Variants in AKAP19 observed in about 807,000 individuals in gnomAD.
AKAP19 encodes the protein small A-kinase anchoring protein.
chr2:190,145,413 C>T, the AKAP19 span, among the ~76,000 whole-genome samples: 4 of 151,994 alleles, frequency 2.6e-5, no homozygotes, highest in Non-Finnish European at 4.4e-5. Context: ...GCTTTATGAA[C>T]AAAAAAATTG....
At chr2:190,038,901 T>TTTCC in the AKAP19 span, among the ~76,000 whole-genome samples, 17 of 46,004 alleles carry the variant, frequency 3.7e-4, no homozygotes, top group South Asian at 9.8e-4. Context: ...TCTTTCTTTC[T>TTTCC]TTCTTCTTCT....
At chr2:190,100,420 C>T in the AKAP19 span, among the ~76,000 whole-genome samples, 2 of 152,274 alleles carry the variant, frequency 1.3e-5, no homozygotes, top group African/African-American at 4.8e-5. Context: ...GAATCCAGTT[C>T]TTTCATGCAA....
chr2:189,934,516 A>C, the AKAP19 span, among the ~76,000 whole-genome samples: 1 of 151,988 alleles, frequency 6.6e-6, no homozygotes, highest in African/African-American at 2.4e-5. Context: ...TTTAAAAATC[A>C]AGACTTACTA....
chr2:189,979,993 A>G, the AKAP19 span, among the ~76,000 whole-genome samples: 1 of 152,200 alleles, frequency 6.6e-6, no homozygotes, highest in Non-Finnish European at 1.5e-5. Flanking sequence ...GTTCAACTGT[A>G]TGGCAAATAG....
chr2:189,925,182 C>T, the AKAP19 span, among the ~76,000 whole-genome samples: 1 of 152,076 alleles, frequency 6.6e-6, no homozygotes, highest in African/African-American at 2.4e-5. Context: ...TGAACATGTC[C>T]AACTGGATGT....
the AKAP19 span, among the ~76,000 whole-genome samples, chr2:189,919,396 T>C: frequency 0.046 from 6,988 of 152,230 alleles, 526 homozygotes; most frequent in African/African-American, 0.16. Context: ...TGGTTAATTT[T>C]ATGTGAATTT....
At chr2:189,984,310 CT>C in the AKAP19 span, among the ~76,000 whole-genome samples, 3 of 152,266 alleles carry the variant, frequency 2.0e-5, no homozygotes, top group African/African-American at 7.2e-5. Context: ...AGACCTACCC[CT>C]AGGTGCGCAT....
the AKAP19 span, chr2:189,930,691 A>G: frequency 2.2e-6 from 1 of 459,868 alleles, no homozygotes; most frequent in East Asian, 4.2e-5. Context: ...AAAAAAAAAA[A>G]GAAATTGAAT....
At chr2:190,018,252 C>G in the AKAP19 span, among the ~76,000 whole-genome samples, 5 of 152,044 alleles carry the variant, frequency 3.3e-5, no homozygotes, top group Non-Finnish European at 7.4e-5. Context: ...CTTCTTTTCT[C>G]TCCTGTTTCT....
chr2:190,105,200 T>G, the AKAP19 span, among the ~76,000 whole-genome samples: 1 of 152,178 alleles, frequency 6.6e-6, no homozygotes, highest in Non-Finnish European at 1.5e-5. Context: ...CACAGTACTA[T>G]TCATAGTAGA....
At chr2:190,151,831 A>G in the AKAP19 span, among the ~76,000 whole-genome samples, 16,645 of 151,944 alleles carry the variant, frequency 0.11, 997 homozygotes, top group Admixed American at 0.14. Context: ...GTGACATCTT[A>G]TCTCTACTAA....
chr2:190,029,044 T>C, the AKAP19 span, among the ~76,000 whole-genome samples: 1 of 151,974 alleles, frequency 6.6e-6, no homozygotes, highest in Non-Finnish European at 1.5e-5. Flanking sequence ...TGGTAAGATG[T>C]ACCTGTAAGG....
chr2:190,158,781 A>C, the AKAP19 span, among the ~76,000 whole-genome samples: 1 of 152,252 alleles, frequency 6.6e-6, no homozygotes, highest in Non-Finnish European at 1.5e-5. Context: ...GTGATGAGGC[A>C]GAACAGATAT....
At chr2:190,115,183 C>CAGAGAGAGAG in the AKAP19 span, among the ~76,000 whole-genome samples, 4 of 108,576 alleles carry the variant, frequency 3.7e-5, no homozygotes, top group African/African-American at 1.5e-4. Flanking sequence ...GGGAGAGAGA[C>CAGAGAGAGAG]AGAGAGAGAG....
chr2:190,064,317 ATTTG>A, the AKAP19 span, among the ~76,000 whole-genome samples: 4 of 152,228 alleles, frequency 2.6e-5, no homozygotes, highest in South Asian at 2.1e-4. Context: ...CTAAGGTTTT[ATTTG>A]TTTGGTAAAT....
the AKAP19 span, among the ~76,000 whole-genome samples, chr2:189,940,067 CAGG>C: frequency 2.0e-5 from 3 of 152,134 alleles, no homozygotes; most frequent in Non-Finnish European, 4.4e-5. Context: ...ATCACAAGGT[CAGG>C]AGATCGAGAC....
chr2:190,200,593 A>T, the AKAP19 span: 1 of 181,068 alleles, frequency 5.5e-6, no homozygotes, highest in Non-Finnish European at 1.3e-5. Context: ...CACTCAAATC[A>T]TAGTGATTAA....
chr2:190,195,972 A>ATGAT, the AKAP19 span, among the ~76,000 whole-genome samples: 1 of 77,894 alleles, frequency 1.3e-5, no homozygotes, highest in Non-Finnish European at 2.5e-5. Context: ...TGGCATATGG[A>ATGAT]TGATTTGTTT....
At chr2:190,111,199 A>T in the AKAP19 span, among the ~76,000 whole-genome samples, 759 of 152,238 alleles carry the variant, frequency 5.0e-3, 11 homozygotes, top group African/African-American at 0.017. Flanking sequence ...GAGGCATAGG[A>T]TCTACCAGGT....
Sources: gnomAD v4.1 joint callset for allele counts (sites outside exome capture counted in the v4.1 genomes callset) on GRCh38, gnomAD v4.1.1 for gene constraint, MANE v1.5 for transcripts, NCBI Gene and HGNC (gene_info 2026-07-23, HGNC 2026-07-21) for gene names.